The following PLXDC2 variants were observed in gnomAD, a reference collection of about 807,000 sequenced individuals.
PLXDC2 encodes the protein plexin domain containing 2, also known as plexin domain-containing protein 2.
PLXDC2 carries 40 observed loss-of-function variants against 68.9 expected under a neutral mutation model. The ratio of observed to expected loss-of-function variants is 0.58; its 90% CI spans 0.45 to 0.76. The LOEUF (loss-of-function observed/expected upper bound fraction) is 0.76. Ranked by LOEUF, PLXDC2 falls within the 30% of genes least tolerant of loss-of-function variation. The pLI is 0.00. For synonymous variants in PLXDC2, 243 were observed against 234.2 expected, an observed-to-expected ratio of 1.04 and a Z score of -0.34; for missense variants, 644 against 661.9, an observed-to-expected ratio of 0.97 and a Z score of 0.30.
At chr10:20,129,527 A>G (rs1397078968) in intron 4 of PLXDC2, among the ~76,000 whole-genome samples, 2 of 15,834 alleles carry the variant, frequency 1.3e-4, no homozygotes, top group Non-Finnish European at 3.1e-4. Context: ...ATACATACAC[A>G]TATATATATA....
At chr10:19,822,714 A>G (rs553245345) in intron 1 of PLXDC2, among the ~76,000 whole-genome samples, 15 of 152,058 alleles carry the variant, frequency 9.9e-5, no homozygotes, top group Admixed American at 3.9e-4. Flanking sequence ...TTTGATTTGT[A>G]TTTCCCTAAT....
chr10:19,985,627 C>CATCAA (rs1834623429), intron 1 of PLXDC2, among the ~76,000 whole-genome samples: 1 of 152,306 alleles, frequency 6.6e-6, no homozygotes, highest in East Asian at 1.9e-4. Context: ...ACAAGTAACT[C>CATCAA]ATCAAATTAG....
chr10:19,826,460 T>A (rs1158761859), intron 1 of PLXDC2, among the ~76,000 whole-genome samples: 1 of 152,232 alleles, frequency 6.6e-6, no homozygotes, highest in Non-Finnish European at 1.5e-5. Context: ...AGGGTCATTT[T>A]AGTTTTTTTG....
chr10:19,817,540 G>A (rs181910487), intron 1 of PLXDC2, among the ~76,000 whole-genome samples: 1 of 152,286 alleles, frequency 6.6e-6, no homozygotes, highest in Non-Finnish European at 1.5e-5. Context: ...GTGCTCTCCG[G>A]CTCCTCCTCC....
At chr10:20,018,825 G>T (rs1835255984) in intron 2 of PLXDC2, among the ~76,000 whole-genome samples, 1 of 152,118 alleles carries the variant, frequency 6.6e-6, no homozygotes, top group African/African-American at 2.4e-5. Flanking sequence ...CTGTTCTATG[G>T]TGATTACTAG....
intron 4 of PLXDC2, among the ~76,000 whole-genome samples, chr10:20,121,900 A>T (rs1331339254): frequency 3.9e-5 from 6 of 152,094 alleles, no homozygotes; most frequent in Admixed American, 2.6e-4. Context: ...ATGCTGTGGG[A>T]TGGGATATTG....
At chr10:20,226,163 A>T (rs1217749973) in intron 12 of PLXDC2, among the ~76,000 whole-genome samples, 3 of 152,222 alleles carry the variant, frequency 2.0e-5, no homozygotes, top group Non-Finnish European at 4.4e-5. Context: ...ATTGGTGGCA[A>T]CAAGAAATTA....
intron 13 of PLXDC2, among the ~76,000 whole-genome samples, chr10:20,253,655 T>G (rs1194841334): frequency 1.3e-5 from 2 of 152,124 alleles, no homozygotes; most frequent in Non-Finnish European, 2.9e-5. Flanking sequence ...AACCTAGGGA[T>G]TCTGTAACTT....
intron 2 of PLXDC2, among the ~76,000 whole-genome samples, chr10:20,007,099 T>C (rs1589582201): frequency 6.6e-6 from 1 of 152,338 alleles, no homozygotes; most frequent in African/African-American, 2.4e-5. Context: ...CAGGCAGGAT[T>C]GGATTCCATT....
At chr10:20,278,684 A>G (rs1836040949) in intron 13 of PLXDC2, among the ~76,000 whole-genome samples, 1 of 152,148 alleles carries the variant, frequency 6.6e-6, no homozygotes, top group Non-Finnish European at 1.5e-5. Flanking sequence ...TTTCACAGCC[A>G]TTAACCATCG....
At chr10:20,135,459 T>A (rs969876511) in intron 4 of PLXDC2, among the ~76,000 whole-genome samples, 1 of 152,196 alleles carries the variant, frequency 6.6e-6, no homozygotes, top group Non-Finnish European at 1.5e-5. Context: ...ACATGTTACA[T>A]GAATTTCTTT....
chr10:20,032,098 G>A (rs746042394), intron 2 of PLXDC2, among the ~76,000 whole-genome samples: 6 of 152,054 alleles, frequency 3.9e-5, no homozygotes, highest in African/African-American at 1.2e-4. Flanking sequence ...TGGGATTACC[G>A]GCTTAAGCCA....
In PLXDC2 at chr10:20,280,551, G is replaced by A. The variant is rs891791499; in HGVS notation, c.*732G>A. On this transcript the variant is annotated 3_prime_UTR_variant, in exon 14 of 14. Coordinates refer to ENST00000377252, the MANE Select transcript of PLXDC2 (RefSeq NM_032812.9). ...AATTAACTAAGGATTTGGGAAGAGGGGGTGGCAAACGGGGCTTTCTGTTTT... is the reference window on the plus strand; with the variant it reads ...AATTAACTAAGGATTTGGGAAGAGGAGGTGGCAAACGGGGCTTTCTGTTTT... 4 of 152,070 alleles carry A rather than the reference G, an allele frequency of 2.6e-5. No homozygotes were observed. Among genetic ancestry groups the A allele is most frequent in the African/African-American group, 9.7e-5 (4 of 41,408 alleles). 9.4% of individuals were successfully genotyped at this position (152,070 alleles called of 1,614,324 possible).
At chr10:19,833,130 G>A (rs182354752) in intron 1 of PLXDC2, among the ~76,000 whole-genome samples, 11 of 152,282 alleles carry the variant, frequency 7.2e-5, no homozygotes, top group Admixed American at 7.2e-4. Flanking sequence ...GGCAGGGCAA[G>A]GCATGGAATT....
intron 4 of PLXDC2, among the ~76,000 whole-genome samples, chr10:20,134,417 C>T (rs1206474175): frequency 6.6e-6 from 1 of 152,176 alleles, no homozygotes; most frequent in Non-Finnish European, 1.5e-5. Flanking sequence ...GTGCCAGCGG[C>T]TGACAAAATC....
intron 4 of PLXDC2, among the ~76,000 whole-genome samples, chr10:20,117,968 G>A (rs1012523665): frequency 6.6e-6 from 1 of 152,020 alleles, no homozygotes; most frequent in Non-Finnish European, 1.5e-5. Flanking sequence ...AAAGATACTC[G>A]ATATGTGTTT....
At chr10:19,892,461 A>G (rs1258281287) in intron 1 of PLXDC2, among the ~76,000 whole-genome samples, 1 of 152,220 alleles carries the variant, frequency 6.6e-6, no homozygotes, top group African/African-American at 2.4e-5. Flanking sequence ...TCACATGCCA[A>G]AAATGCTTGT....
intron 3 of PLXDC2, among the ~76,000 whole-genome samples, chr10:20,054,418 T>C (rs1835959223): frequency 6.6e-6 from 1 of 151,794 alleles, no homozygotes; most frequent in East Asian, 1.9e-4. Flanking sequence ...GATGGATGGA[T>C]GGACAGATGG....
rs1836197418 is a variant in PLXDC2 at position 20,289,122 on chromosome 10, T to C, written c.*9303T>C. The C allele has an allele frequency of 6.6e-6, 1 of 152,194 alleles. No individual in the cohort carries two copies. The highest frequency in any genetic ancestry group is 1.5e-5 in the Non-Finnish European group (1 of 68,026). 9.4% of individuals were successfully genotyped at this position (152,194 alleles called of 1,614,324 possible). A position where few individuals can be genotyped will look rare whatever the true frequency, so the allele number is the denominator to read the frequency against. On this transcript the variant is annotated 3_prime_UTR_variant, in exon 14 of 14. Coordinates refer to ENST00000377252, the MANE Select transcript of PLXDC2 (RefSeq NM_032812.9). ...ATTAGTGTTCAAAAGGTTCTACCCATTGTGGAAGAAATTCTGTGTGCAGAA... is the reference window on the plus strand; with the variant it reads ...ATTAGTGTTCAAAAGGTTCTACCCACTGTGGAAGAAATTCTGTGTGCAGAA...
Sources: gnomAD v4.1 joint callset for allele counts (sites outside exome capture counted in the v4.1 genomes callset) on GRCh38, gnomAD v4.1.1 for gene constraint, MANE v1.5 for transcripts, NCBI Gene and HGNC (gene_info 2026-07-23, HGNC 2026-07-21) for gene names.